BRWD3: variants seen among roughly 807,000 people sequenced by gnomAD.
The protein encoded by BRWD3 is bromodomain and WD repeat-containing protein 3.
Under a neutral mutation model 149.7 loss-of-function variants are expected in BRWD3, and 10 were observed. The observed-to-expected ratio is 0.07, with a 90% confidence interval of 0.04 to 0.11. BRWD3 has a LOEUF of 0.11. Among genes scored for constraint, BRWD3 ranks in the 10% least tolerant of loss-of-function variants. BRWD3 has a pLI of 1.00. For missense variants in BRWD3, 940 were observed against 1,373.2 expected (o/e 0.68, Z 4.99); for synonymous variants, 504 against 456.7 (o/e 1.10, Z -1.32).
intron 6 of BRWD3, among the ~76,000 whole-genome samples, chrX:80,753,115 A>G (rs1002365936): frequency 9.0e-6 from 1 of 111,708 alleles, no homozygotes; most frequent in African/African-American, 3.3e-5. Context: ...CCCCTATCAG[A>G]TGGATAATTT....
chrX:80,680,764 G>A (rs954727813), intron 40 of BRWD3, among the ~76,000 whole-genome samples: 2 of 109,982 alleles, frequency 1.8e-5, no homozygotes, highest in Non-Finnish European at 3.8e-5. Flanking sequence ...TCATGTGCTT[G>A]GGGAAAGAAC....
chrX:80,790,681 C>A (rs1445039670), intron 6 of BRWD3, among the ~76,000 whole-genome samples: 2 of 111,452 alleles, frequency 1.8e-5, no homozygotes, highest in African/African-American at 3.3e-5. Context: ...AGCCTGTAAA[C>A]CTAATATTGT....
intron 14 of BRWD3, among the ~76,000 whole-genome samples, chrX:80,725,945 C>T (rs3132173): frequency 9.1e-5 from 10 of 109,660 alleles, no homozygotes; most frequent in Admixed American, 3.8e-4. Context: ...TTACATGTTA[C>T]ATGTCTATAT....
intron 10 of BRWD3, 91 bp downstream of exon 10, chrX:80,735,036 T>C: frequency 1.2e-6 from 1 of 810,111 alleles, no homozygotes; most frequent in Non-Finnish European, 1.9e-6. Flanking sequence ...CAATTAACAC[T>C]CAAATGTGTA....
At chrX:80,699,901 GC>G in intron 25 of BRWD3, 55 bp downstream of exon 25, 1 of 901,387 alleles carries the variant, frequency 1.1e-6, no homozygotes, top group Non-Finnish European at 1.6e-6. Context: ...CCATGGGTAA[GC>G]AATTTAATTC....
intron 6 of BRWD3, among the ~76,000 whole-genome samples, chrX:80,755,175 G>A (rs2073722865): frequency 9.0e-6 from 1 of 110,592 alleles, no homozygotes; most frequent in South Asian, 3.8e-4. Context: ...TAGCTGTGCT[G>A]TTAGTTTACT....
rs1243819917 is a variant in BRWD3, at chrX:80,728,776, T to C, written c.1362A>G (p.Thr454=). Residue 454 remains threonine (T), a synonymous_variant, in exon 14 of 41, where the codon ACA becomes ACG. Transcript: ENST00000373275. ...CAGATAATGTATGAAGAAGCTGTCCTGTGATAGAATTCCACACTTTCAAAA... is the reference window on the plus strand; with the variant it reads ...CAGATAATGTATGAAGAAGCTGTCCCGTGATAGAATTCCACACTTTCAAAA... ...NFLLKVWNSI[T]GQLLHTLSGH... 1.2e-5 allele frequency: 14 copies of C among 1,205,985 alleles called. No homozygotes were observed. Among genetic ancestry groups the C allele is most frequent in the African/African-American group, 1.7e-5 (1 of 57,745 alleles).
chrX:80,771,000 C>A (rs1262224015), intron 6 of BRWD3, among the ~76,000 whole-genome samples: 1 of 111,504 alleles, frequency 9.0e-6, no homozygotes, highest in African/African-American at 3.3e-5. Context: ...CTCCCATTTA[C>A]AATTGCTACA....
chrX:80,767,136 G>T (rs773965798), intron 6 of BRWD3, among the ~76,000 whole-genome samples: 1 of 111,998 alleles, frequency 8.9e-6, no homozygotes, highest in South Asian at 3.7e-4. Context: ...GCCCACCTCA[G>T]CTCAGCAAGA....
chrX:80,709,668 G>T, intron 20 of BRWD3, 91 bp from the exon 21 acceptor site: 1 of 771,591 alleles, frequency 1.3e-6, no homozygotes. Context: ...TGGGGGGTAG[G>T]GGTGAGTAGG....
chrX:80,809,843 A>G lies in BRWD3; in HGVS notation c.-372T>C, dbSNP rs1215484484. 3.6e-5 allele frequency among the ~76,000 whole-genome samples: 3 copies of G among 83,175 alleles called. No individual in the cohort carries two copies. Among genetic ancestry groups the G allele is most frequent in the African/African-American group, 1.4e-4 (3 of 22,199 alleles). 72.2% of individuals were successfully genotyped at this position (83,175 alleles called of 115,157 possible). On this transcript the variant is annotated 5_prime_UTR_variant, in exon 1 of 41. Transcript: ENST00000373275. ...GGGGCGGAGAGAGAGAGAGAGAGAGAGATAGACGGAGCGAGAAGAGGGAGG... is the reference window on the plus strand; with the variant it reads ...GGGGCGGAGAGAGAGAGAGAGAGAGGGATAGACGGAGCGAGAAGAGGGAGG...
intron 4 of BRWD3, among the ~76,000 whole-genome samples, chrX:80,797,007 T>C (rs967516847): frequency 6.3e-5 from 7 of 111,182 alleles, no homozygotes; most frequent in African/African-American, 2.3e-4. Flanking sequence ...CACCCTCATC[T>C]CTACAAAAAA....
At position 80,744,148 on chromosome X, in the gene BRWD3, C is replaced by G; in HGVS notation, c.697G>C (p.Glu233Gln). 8.3e-7 allele frequency: 1 copy of G among 1,211,176 alleles called. No individual in the cohort carries two copies. The change falls in exon 8 of 41, where the codon GAA becomes CAA. Residue 233 changes from glutamate (E) to glutamine (Q), a missense_variant. Glu to Gln is a conservative substitution (Grantham distance 29). Transcript: ENST00000373275. ...AEISDMAVNY[E>Q]NTLIAAGSCD... ...CTGCCTGCAGCAATAAGAGTGTTTT[C>G]ATAGTTAACAGCCATGTCAGAAATT...
chrX:80,807,401 C>T (rs1212806516), intron 4 of BRWD3, among the ~76,000 whole-genome samples: 1 of 111,919 alleles, frequency 8.9e-6, no homozygotes, highest in Non-Finnish European at 1.9e-5. Flanking sequence ...ACAAAATGAA[C>T]ATTGAAGCAA....
chrX:80,709,358 T>G, intron 21 of BRWD3, 70 bp downstream of exon 21: 1 of 994,060 alleles, frequency 1.0e-6, no homozygotes, highest in South Asian at 2.3e-5. Context: ...AAGTGACCCT[T>G]AAACCCAAAT....
intron 6 of BRWD3, among the ~76,000 whole-genome samples, chrX:80,767,710 A>G (rs2073881914): frequency 8.9e-6 from 1 of 112,199 alleles, no homozygotes. Context: ...AACAGAACAA[A>G]GCTGGATGAA....
chrX:80,741,971 A>G (rs1429014762), intron 8 of BRWD3, among the ~76,000 whole-genome samples: 2 of 111,676 alleles, frequency 1.8e-5, no homozygotes, highest in Non-Finnish European at 3.8e-5. Context: ...TGTTTTAGAC[A>G]TGAAGTCCTT....
intron 8 of BRWD3, among the ~76,000 whole-genome samples, chrX:80,738,568 TACAG>T (rs1170455268): frequency 9.9e-6 from 1 of 100,811 alleles, no homozygotes. Flanking sequence ...TGACTATTAC[TACAG>T]ACAAAAAAAT....
chrX:80,748,453 A>G (rs1460717407), intron 6 of BRWD3, among the ~76,000 whole-genome samples: 2 of 112,241 alleles, frequency 1.8e-5, no homozygotes, highest in African/African-American at 6.5e-5. Flanking sequence ...GAAGAGTTTG[A>G]AAAACATTAG....
Sources: gnomAD v4.1 joint callset for allele counts (sites outside exome capture counted in the v4.1 genomes callset) on GRCh38, gnomAD v4.1.1 for gene constraint, MANE v1.5 for transcripts, NCBI Gene and HGNC (gene_info 2026-07-23, HGNC 2026-07-21) for gene names.